Variants in CIROZ observed in about 807,000 individuals in gnomAD.
CIROZ encodes ciliated left-right organizer ZP-N domains-containing protein.
chr1:10,971,848 A>G, the CIROZ span, among the ~76,000 whole-genome samples: 2 of 152,310 alleles, frequency 1.3e-5, no homozygotes, highest in East Asian at 3.9e-4. Context: ...TTGGCCAGCA[A>G]CTGCTCAGTA....
chr1:10,972,884 C>G, the CIROZ span, among the ~76,000 whole-genome samples: 5 of 149,410 alleles, frequency 3.3e-5, no homozygotes, highest in Admixed American at 3.3e-4. Context: ...TCTAGGAGTT[C>G]AAGACCAGCC....
chr1:10,957,612 T>C, the CIROZ span: 2 of 1,613,876 alleles, frequency 1.2e-6, no homozygotes, highest in Non-Finnish European at 1.7e-6. Context: ...TGCCCACCAC[T>C]GACCTCCCAC....
At chr1:10,962,845 C>G in the CIROZ span, among the ~76,000 whole-genome samples, 1 of 152,216 alleles carries the variant, frequency 6.6e-6, no homozygotes, top group Admixed American at 6.5e-5. Flanking sequence ...CTGGGCCAGG[C>G]GTAGTGGCCC....
the CIROZ span, among the ~76,000 whole-genome samples, chr1:10,952,922 C>T: frequency 6.6e-6 from 1 of 152,186 alleles, no homozygotes; most frequent in Non-Finnish European, 1.5e-5. Flanking sequence ...CCTCATAAAT[C>T]GCAACTGCTT....
the CIROZ span, among the ~76,000 whole-genome samples, chr1:10,965,881 C>G: frequency 6.6e-6 from 1 of 151,842 alleles, no homozygotes; most frequent in Non-Finnish European, 1.5e-5. Context: ...ATTTTAGAGT[C>G]ACATGGTCTC....
the CIROZ span, chr1:10,970,233 T>A: frequency 1.3e-6 from 1 of 757,862 alleles, no homozygotes; most frequent in Non-Finnish European, 2.1e-6. Flanking sequence ...AAAGGGCATG[T>A]AGGGGTCATA....
chr1:10,970,042 T>G, the CIROZ span: 1 of 1,536,090 alleles, frequency 6.5e-7, no homozygotes, highest in Non-Finnish European at 8.7e-7. Context: ...CACAGGGTCA[T>G]GTAGTCTGAG....
At chr1:10,967,781 G>A in the CIROZ span, among the ~76,000 whole-genome samples, 1 of 152,228 alleles carries the variant, frequency 6.6e-6, no homozygotes, top group Non-Finnish European at 1.5e-5. Context: ...AGACCAGTCT[G>A]GCCAACATGG....
the CIROZ span, among the ~76,000 whole-genome samples, chr1:10,960,645 G>A: frequency 1.7e-4 from 26 of 152,344 alleles, no homozygotes; most frequent in Admixed American, 3.3e-4. This position sits in a 1 kb window ranked among gnomAD's most constrained non-coding sequence, Gnocchi z 4.6. Flanking sequence ...GGGGCCTGTG[G>A]GCACACTTAA....
chr1:10,972,150 T>G, the CIROZ span, among the ~76,000 whole-genome samples: 4 of 152,160 alleles, frequency 2.6e-5, no homozygotes, highest in African/African-American at 9.7e-5. Flanking sequence ...AACAACAGCA[T>G]CGTGAGATTG....
the CIROZ span, among the ~76,000 whole-genome samples, chr1:10,959,413 T>A: frequency 2.6e-5 from 4 of 152,288 alleles, no homozygotes; most frequent in African/African-American, 7.2e-5. The surrounding 1 kb of genome is among the most constrained non-coding windows in gnomAD (Gnocchi z 4.3). Context: ...CCCAAGGTGA[T>A]GGCGTGGGCA....
At chr1:10,955,526 A>G in the CIROZ span, among the ~76,000 whole-genome samples, 5 of 152,150 alleles carry the variant, frequency 3.3e-5, no homozygotes, top group South Asian at 1.0e-3. Flanking sequence ...TGCCCCTTCC[A>G]TTTCCAAAGC....
chr1:10,976,108 G>C, the CIROZ span: 1 of 1,485,102 alleles, frequency 6.7e-7, no homozygotes, highest in Non-Finnish European at 9.1e-7. Flanking sequence ...TGCTCATTGG[G>C]GAAATATCCA....
the CIROZ span, among the ~76,000 whole-genome samples, chr1:10,956,767 G>A: frequency 8.6e-5 from 13 of 152,036 alleles, no homozygotes; most frequent in South Asian, 4.1e-4. Context: ...GTGAGCCACC[G>A]CGCCCGGCCG....
chr1:10,952,709 G>A, the CIROZ span, among the ~76,000 whole-genome samples: 9 of 152,090 alleles, frequency 5.9e-5, no homozygotes, highest in South Asian at 2.1e-4. Context: ...ACAGGGTTTC[G>A]CCATGTTGGC....
the CIROZ span, chr1:10,949,051 C>T: frequency 2.3e-6 from 1 of 425,616 alleles, no homozygotes; most frequent in Non-Finnish European, 4.1e-6. Context: ...ATGGTGAAAC[C>T]CCATCTCTAC....
chr1:10,969,253 T>C, the CIROZ span, among the ~76,000 whole-genome samples: 1 of 151,640 alleles, frequency 6.6e-6, no homozygotes, highest in Admixed American at 6.6e-5. Flanking sequence ...GCCACCGAGA[T>C]GCAGAGCATG....
the CIROZ span, among the ~76,000 whole-genome samples, chr1:10,979,875 C>T: frequency 2.6e-5 from 4 of 152,146 alleles, no homozygotes; most frequent in Admixed American, 2.6e-4. Flanking sequence ...TGGTGAAACC[C>T]TATCTCTACT....
chr1:10,953,676 C>G, the CIROZ span, among the ~76,000 whole-genome samples: 1 of 152,180 alleles, frequency 6.6e-6, no homozygotes, highest in Non-Finnish European at 1.5e-5. Flanking sequence ...ACTGGTATGC[C>G]TATTTTCCAG....
Sources: allele counts gnomAD v4.1 joint callset (sites outside exome capture counted in the v4.1 genomes callset), GRCh38; gene constraint gnomAD v4.1.1; non-coding constraint Gnocchi (gnomAD v3.1); transcripts MANE v1.5; gene names NCBI Gene and HGNC (gene_info 2026-07-23, HGNC 2026-07-21).